TRIML1: variants seen among roughly 807,000 people sequenced by gnomAD.
The protein encoded by TRIML1 is probable E3 ubiquitin-protein ligase TRIML1.
Under a neutral mutation model 32.3 loss-of-function variants are expected in TRIML1, and 34 were observed. That is an observed-to-expected ratio of 1.05 (90% CI 0.80 to 1.40). The LOEUF is 1.40. TRIML1 is among the 40% of genes most tolerant of loss of function. TRIML1 has a pLI of 0.00. For synonymous variants in TRIML1, 244 were observed against 226.6 expected, an observed-to-expected ratio of 1.08 and a Z score of -0.69; for missense variants, 595 against 574.9, an observed-to-expected ratio of 1.03 and a Z score of -0.36.
chr4:188,145,612 C>T lies in TRIML1; in HGVS notation c.857-1210C>T, dbSNP rs145035748. Among the ~76,000 whole-genome samples, 1,024 of 151,814 alleles carry T rather than the reference C, an allele frequency of 6.7e-3. 8 individuals are homozygous for T. The highest frequency in any genetic ancestry group is 0.01 in the Non-Finnish European group (703 of 67,956). ...CTGAGGTGGGTGGATCACCCGAGGT[C>T]GGGAGTTTGAGACCAGCCTGGCCAG... is the stretch of plus-strand genomic sequence containing the variant. On this transcript the variant is annotated intron_variant, in intron 5 of 5. Transcript: ENST00000332517.
chr4:188,144,480 A>G (rs1293594822), intron 5 of TRIML1, among the ~76,000 whole-genome samples: 20 of 141,510 alleles, frequency 1.4e-4, no homozygotes, highest in Admixed American at 3.6e-4. Context: ...CTCCTGCCTC[A>G]GCCTCCCGAG....
At chr4:188,142,862 CTCTAGGTCTAGATGA>C in intron 3 of TRIML1, 1 of 178,566 alleles carries the variant, frequency 5.6e-6, no homozygotes, top group South Asian at 1.2e-4. Flanking sequence ...ATGATATGAA[CTCTAGGTCTAGATGA>C]CTGTCATCTA....
chr4:188,145,560 T>C (rs958850858), intron 5 of TRIML1, among the ~76,000 whole-genome samples: 1 of 147,180 alleles, frequency 6.8e-6, no homozygotes, highest in African/African-American at 2.5e-5. Context: ...TGGTGGCTCA[T>C]GCCTGTAATC....
intron 5 of TRIML1, among the ~76,000 whole-genome samples, chr4:188,144,397 C>A (rs1422251208): frequency 6.7e-6 from 1 of 149,672 alleles, no homozygotes; most frequent in African/African-American, 2.5e-5. Context: ...GAGTCTCACT[C>A]CGTGTCCCGG....
intron 1 of TRIML1, 42 bp downstream of exon 1, chr4:188,140,008 C>A: frequency 6.5e-7 from 1 of 1,541,452 alleles, no homozygotes; most frequent in South Asian, 1.3e-5. Flanking sequence ...CTCATCGCAG[C>A]TAACTCCGTT....
downstream of TRIML1, among the ~76,000 whole-genome samples, chr4:188,149,727 G>A (rs551169624): frequency 2.2e-4 from 34 of 152,282 alleles, no homozygotes; most frequent in Non-Finnish European, 4.0e-4. Context: ...CACAATCAGA[G>A]TTTGAGACTT....
In TRIML1 at chr4:188,145,441, C is replaced by CAAAAAAAAAAAA. The variant is rs869253721; in HGVS notation, c.856+1332_856+1343dup. On this transcript the variant is annotated intron_variant, in intron 5 of 5. Transcript: ENST00000332517. ...TGGGCGACAGAGCGAGACTCCGTCT[C>CAAAAAAAAAAAA]AAAAAAAAAAAAAAAAAAAAAAAAA... Among the ~76,000 whole-genome samples the CAAAAAAAAAAAA allele has an allele frequency of 1.8e-3, 61 of 34,284 alleles. 3 individuals carry two copies. The highest frequency in any genetic ancestry group is 1.9e-3 in the Non-Finnish European group (39 of 20,918). 22.5% of individuals were successfully genotyped at this position (34,284 alleles called of 152,430 possible).
downstream of TRIML1, among the ~76,000 whole-genome samples, chr4:188,148,695 G>C (rs1406774333): frequency 6.8e-6 from 1 of 146,534 alleles, no homozygotes; most frequent in East Asian, 2.2e-4. Context: ...CTCCACCTCC[G>C]GGGTTCAAGC....
chr4:188,147,515 A>G lies in TRIML1; in HGVS notation c.*143A>G, dbSNP rs1365521021. ...CACCCCACCCCCAAGAGTTTCCATT[A>G]ACTTGATCCCATTATGAACAGCCAC... On this transcript the variant is annotated 3_prime_UTR_variant, in exon 6 of 6. Coordinates refer to ENST00000332517, the MANE Select transcript of TRIML1 (RefSeq NM_178556.5). The G allele has an allele frequency of 1.5e-5, 9 of 585,500 alleles. No individual in the cohort carries two copies. The highest frequency in any genetic ancestry group is 2.1e-5 in the Non-Finnish European group (8 of 384,792). 36.3% of individuals were successfully genotyped at this position (585,500 alleles called of 1,614,324 possible).
At chr4:188,145,362 A>G (rs1735028908) in intron 5 of TRIML1, among the ~76,000 whole-genome samples, 1 of 146,824 alleles carries the variant, frequency 6.8e-6, no homozygotes, top group Non-Finnish European at 1.5e-5. Flanking sequence ...GAATCACTTG[A>G]ACCCAGGAGG....
chr4:188,145,755 G>A lies in TRIML1; in HGVS notation c.857-1067G>A, dbSNP rs1735054140. On this transcript the variant is annotated intron_variant, in intron 5 of 5. Transcript: ENST00000332517. Reference sequence around the variant, plus strand: ...TCACTTGAACCTGGGAGACGAGGTTGCAGTGAGTCAAGATCGCGTCATTGC... The same window carrying A: ...TCACTTGAACCTGGGAGACGAGGTTACAGTGAGTCAAGATCGCGTCATTGC... Among the ~76,000 whole-genome samples, 5 of 152,236 alleles carry A rather than the reference G, an allele frequency of 3.3e-5. No homozygotes were observed. The South Asian group carries it at 1.0e-3, about 32-fold the overall frequency.
chr4:188,150,630 G>A (rs1342419964), downstream of TRIML1, among the ~76,000 whole-genome samples: 4 of 151,968 alleles, frequency 2.6e-5, no homozygotes, highest in East Asian at 3.9e-4. Flanking sequence ...ATAATCCAGT[G>A]ATACATCCTT....
Position 188,144,144 on chromosome 4 carries a change from CTGATT to C in TRIML1, c.856+14_856+18del. 6.2e-7 allele frequency: 1 copy of C among 1,611,740 alleles called. No individual in the cohort carries two copies. ...TAAGAAAATTCAGCAGTAAGTCAGC[CTGATT>C]TGTTACCCCTCCGGGGCTCGAAGAA... On this transcript the variant is annotated intron_variant, in intron 5 of 5. Coordinates refer to ENST00000332517, the MANE Select transcript of TRIML1 (RefSeq NM_178556.5).
At position 188,145,491 on chromosome 4, in the gene TRIML1, G is replaced by A. The variant is rs540034666; in HGVS notation, c.857-1331G>A. ...AAAAAAAAAAAGTCAGAAATGGAAT[G>A]ACTGGGGTACCTGATCTTGTCTGGA... is the stretch of plus-strand genomic sequence containing the variant. On this transcript the variant is annotated intron_variant, in intron 5 of 5. Coordinates refer to ENST00000332517, the MANE Select transcript of TRIML1 (RefSeq NM_178556.5). 1.3e-4 allele frequency among the ~76,000 whole-genome samples: 17 copies of A among 132,314 alleles called. 1 individual carries two copies. In the East Asian group the frequency reaches 1.5e-3, roughly 12 times the overall value. The allele number at this position is 132,314 out of a possible 152,430, so 86.8% of individuals were successfully genotyped here. A position where few individuals can be genotyped will look rare whatever the true frequency, so the allele number is the denominator to read the frequency against.
Position 188,144,691 on chromosome 4 carries a change from C to T in TRIML1, c.856+558C>T, listed in dbSNP as rs367947367. On this transcript the variant is annotated intron_variant, in intron 5 of 5. Coordinates refer to ENST00000332517, the MANE Select transcript of TRIML1 (RefSeq NM_178556.5). ...CTAGTCCTTTCTTTGTTGGTTTTGT[C>T]ATTGTCTTTTCCATCCCCCCCTTGC... Among the ~76,000 whole-genome samples, 13 of 152,078 alleles carry T rather than the reference C, an allele frequency of 8.5e-5. 1 individual carries two copies. The highest frequency in any genetic ancestry group is 7.2e-4 in the Admixed American group (11 of 15,252).
At chr4:188,142,104 A>C (rs1734876019) in intron 2 of TRIML1, 148 bp from the exon 3 acceptor site, 1 of 593,776 alleles carries the variant, frequency 1.7e-6, no homozygotes, top group Admixed American at 3.8e-5. Flanking sequence ...CGACAGAGTG[A>C]GACTCCATCT....
At chr4:188,141,498 C>T (rs1226383600) in intron 2 of TRIML1, among the ~76,000 whole-genome samples, 2 of 151,940 alleles carry the variant, frequency 1.3e-5, no homozygotes, top group African/African-American at 2.4e-5. Flanking sequence ...AGAGTATTTG[C>T]CATGTATGTT....
chr4:188,147,624 A>C lies in TRIML1; in HGVS notation c.*252A>C. ...GTAAATGTATTCTCTGGGCTACCCC[A>C]TGTGTGTGCTGGTCACTCAAATATT... On this transcript the variant is annotated 3_prime_UTR_variant, in exon 6 of 6. Coordinates refer to ENST00000332517, the MANE Select transcript of TRIML1 (RefSeq NM_178556.5). The C allele has an allele frequency of 2.8e-6, 1 of 352,540 alleles. No homozygotes were observed. The highest frequency in any genetic ancestry group is 2.1e-5 in the African/African-American group (1 of 47,834). The allele number at this position is 352,540 out of a possible 1,614,324, so 21.8% of individuals were successfully genotyped here.
chr4:188,142,189 C>A, intron 2 of TRIML1, 63 bp from the exon 3 acceptor site: 2 of 1,191,428 alleles, frequency 1.7e-6, no homozygotes, highest in Non-Finnish European at 2.4e-6. Flanking sequence ...AAGGGCATTT[C>A]TCTTACTAAC....
Sources: allele counts gnomAD v4.1 joint callset (sites outside exome capture counted in the v4.1 genomes callset), GRCh38; gene constraint gnomAD v4.1.1; transcripts MANE v1.5; gene names NCBI Gene and HGNC (gene_info 2026-07-23, HGNC 2026-07-21).